EPHA6: variants seen among roughly 807,000 people sequenced by gnomAD.
EPHA6 encodes ephrin type-A receptor 6.
In EPHA6, 50 loss-of-function variants were observed where a neutral mutation model predicts 112.0. The observed-to-expected ratio is 0.45, with a 90% CI of 0.36 to 0.56. EPHA6 has a LOEUF of 0.56. Ranked by LOEUF, EPHA6 falls within the 20% of genes least tolerant of loss-of-function variation. The pLI is 0.00. For synonymous variants in EPHA6, 529 were observed against 490.7 expected (o/e 1.08, Z -1.03); for missense variants, 1,280 against 1,417.4 (o/e 0.90, Z 1.56).
At chr3:97,628,498 TTGTC>T (rs2093877000) in intron 13 of EPHA6, among the ~76,000 whole-genome samples, 1 of 151,948 alleles carries the variant, frequency 6.6e-6, no homozygotes, top group Non-Finnish European at 1.5e-5. Flanking sequence ...AGTCATAAAA[TTGTC>T]TGTTACTTCC....
chr3:96,984,092 G>T (rs1320279016), intron 2 of EPHA6, among the ~76,000 whole-genome samples: 1 of 152,134 alleles, frequency 6.6e-6, no homozygotes, highest in Non-Finnish European at 1.5e-5. Context: ...TCCGTTGCTG[G>T]CGAGGAACTG....
intron 6 of EPHA6, among the ~76,000 whole-genome samples, chr3:97,426,390 C>T (rs975614560): frequency 6.6e-6 from 1 of 152,168 alleles, no homozygotes; most frequent in Non-Finnish European, 1.5e-5. Context: ...GGCTAATTCA[C>T]TACCACAAGA....
intron 3 of EPHA6, among the ~76,000 whole-genome samples, chr3:97,014,761 C>A (rs551336470): frequency 4.6e-5 from 7 of 152,160 alleles, no homozygotes; most frequent in Non-Finnish European, 1.0e-4. Context: ...GGATGATGAT[C>A]AAAGTATTTA....
At chr3:97,583,157 G>C (rs2093455002) in intron 11 of EPHA6, among the ~76,000 whole-genome samples, 1 of 151,580 alleles carries the variant, frequency 6.6e-6, no homozygotes, top group Non-Finnish European at 1.5e-5. Context: ...GAGCTAAATA[G>C]ATCTAGCTCT....
chr3:97,027,093 GA>G (rs762428638), intron 3 of EPHA6, among the ~76,000 whole-genome samples: 3 of 152,138 alleles, frequency 2.0e-5, no homozygotes, highest in Non-Finnish European at 4.4e-5. Context: ...GTACACCATG[GA>G]ATACAACGTA....
intron 6 of EPHA6, among the ~76,000 whole-genome samples, chr3:97,444,435 A>G (rs1577432807): frequency 6.6e-6 from 1 of 152,268 alleles, no homozygotes; most frequent in East Asian, 1.9e-4. Context: ...TGCATTTCTG[A>G]CATTAAAAAA....
chr3:97,233,648 A>G (rs1239448685), intron 4 of EPHA6, among the ~76,000 whole-genome samples: 1 of 152,134 alleles, frequency 6.6e-6, no homozygotes, highest in Admixed American at 6.6e-5. Context: ...TGGAATTTAG[A>G]TCATCAGTCA....
chr3:96,901,041 A>G lies in EPHA6; in HGVS notation c.450+34152A>G, dbSNP rs145842172. 1.0e-3 allele frequency among the ~76,000 whole-genome samples: 158 copies of G among 152,314 alleles called. 1 individual carries two copies. The highest frequency in any genetic ancestry group is 3.7e-3 in the African/African-American group (152 of 41,574). On this transcript the variant is annotated intron_variant, in intron 2 of 17. Transcript: ENST00000389672. ...GGAAGTGGTGATCAGTGTTGGTTCT[A>G]TCTACACATTTTGCTGGGAATAGAA...
chr3:97,431,076 T>A (rs1030314268), intron 6 of EPHA6, among the ~76,000 whole-genome samples: 1 of 152,126 alleles, frequency 6.6e-6, no homozygotes, highest in South Asian at 2.1e-4. Flanking sequence ...AGGGTTCTAA[T>A]ATTTGAAAAG....
At chr3:97,424,543 C>G (rs542238005) in intron 6 of EPHA6, among the ~76,000 whole-genome samples, 23 of 152,192 alleles carry the variant, frequency 1.5e-4, no homozygotes, top group Non-Finnish European at 2.8e-4. Flanking sequence ...GGTGGTCATG[C>G]CTGTAATCCC....
intron 1 of EPHA6, among the ~76,000 whole-genome samples, chr3:96,839,650 A>T (rs79645223): frequency 0.031 from 4,651 of 152,170 alleles, 108 homozygotes; most frequent in East Asian, 0.069. Flanking sequence ...CCTGGAAATG[A>T]GGAATGCTAT....
At chr3:97,585,539 A>G (rs1277596011) in intron 11 of EPHA6, among the ~76,000 whole-genome samples, 2 of 152,190 alleles carry the variant, frequency 1.3e-5, no homozygotes, top group Non-Finnish European at 2.9e-5. Flanking sequence ...GCTTCAATAC[A>G]TTTATTGTGT....
intron 11 of EPHA6, among the ~76,000 whole-genome samples, chr3:97,542,271 T>C (rs2092870334): frequency 6.6e-6 from 1 of 152,064 alleles, no homozygotes; most frequent in Non-Finnish European, 1.5e-5. Flanking sequence ...GTACCCAGTG[T>C]GTGTGATGTT....
At chr3:97,197,619 A>T (rs1173259403) in intron 3 of EPHA6, among the ~76,000 whole-genome samples, 3 of 151,526 alleles carry the variant, frequency 2.0e-5, no homozygotes, top group Admixed American at 2.0e-4. Context: ...CAGAATTCTG[A>T]GTTGTGCTGC....
chr3:97,319,917 A>G (rs1415120512), intron 5 of EPHA6, among the ~76,000 whole-genome samples: 1 of 152,038 alleles, frequency 6.6e-6, no homozygotes, highest in Non-Finnish European at 1.5e-5. Context: ...TTTAGAATTC[A>G]GACAAGCAGT....
chr3:97,160,371 G>T lies in EPHA6; in HGVS notation c.1115-65893G>T, dbSNP rs148603988. On this transcript the variant is annotated intron_variant, in intron 3 of 17. Transcript: ENST00000389672. ...GGGTCACTACAATCTCCGCCTCCCG[G>T]GTTTAAGCGATTCTCCTGCCTCAGC... Among the ~76,000 whole-genome samples, 337 of 152,068 alleles carry T rather than the reference G, an allele frequency of 2.2e-3. 2 individuals are homozygous for T. The highest frequency in any genetic ancestry group is 7.5e-3 in the African/African-American group (312 of 41,456).
At chr3:97,684,127 A>G (rs1180397465) in intron 14 of EPHA6, among the ~76,000 whole-genome samples, 2 of 152,176 alleles carry the variant, frequency 1.3e-5, no homozygotes, top group African/African-American at 2.4e-5. Context: ...ATGAAAATAT[A>G]TGTTCACTGA....
chr3:97,092,001 ACCACTGTGATAGGGAAC>A (rs2047081131), intron 3 of EPHA6, among the ~76,000 whole-genome samples: 1 of 151,048 alleles, frequency 6.6e-6, no homozygotes, highest in Admixed American at 6.6e-5. Context: ...TGGGTTGAGA[ACCACTGTGATAGGGAAC>A]TTGGTGTACT....
At chr3:97,657,231 G>A (rs1353586910) in intron 14 of EPHA6, among the ~76,000 whole-genome samples, 3 of 151,594 alleles carry the variant, frequency 2.0e-5, no homozygotes, top group African/African-American at 7.3e-5. Context: ...TTTTTTTAAG[G>A]AAAATTTTCA....
Sources: allele counts gnomAD v4.1 joint callset (sites outside exome capture counted in the v4.1 genomes callset), GRCh38; gene constraint gnomAD v4.1.1; transcripts MANE v1.5; gene names NCBI Gene and HGNC (gene_info 2026-07-23, HGNC 2026-07-21).